GNAL: variants seen among roughly 807,000 people sequenced by gnomAD.
The protein encoded by GNAL is G protein subunit alpha L.
Under a neutral mutation model 55.1 loss-of-function variants are expected in GNAL, and 18 were observed. The observed-to-expected ratio is 0.33, with a 90% CI of 0.23 to 0.48. The LOEUF (loss-of-function observed/expected upper bound fraction) is 0.48. Among genes scored for constraint, GNAL ranks in the 20% least tolerant of loss-of-function variants. GNAL has a pLI of 0.99. For missense variants in GNAL, 412 were observed against 614.1 expected (o/e 0.67, Z 3.48); for synonymous variants, 253 against 237.0 (o/e 1.07, Z -0.62).
intron 4 of GNAL, among the ~76,000 whole-genome samples, chr18:11,782,135 G>A (rs755378070): frequency 1.3e-5 from 2 of 152,230 alleles, no homozygotes; most frequent in South Asian, 4.1e-4. Flanking sequence ...TGGCCAACAC[G>A]GTAAAACCCT....
chr18:11,779,113 T>C (rs1414386807), intron 4 of GNAL, among the ~76,000 whole-genome samples: 1 of 152,170 alleles, frequency 6.6e-6, no homozygotes, highest in African/African-American at 2.4e-5. Context: ...CAACTCTTCC[T>C]GGCCCAGCAA....
At chr18:11,698,363 C>T (rs1483157313) in intron 1 of GNAL, among the ~76,000 whole-genome samples, 7 of 151,782 alleles carry the variant, frequency 4.6e-5, no homozygotes, top group Admixed American at 2.6e-4. Context: ...TGGTGGTGCA[C>T]GCCTGTGATC....
At chr18:11,815,213 A>G (rs557825800) in intron 4 of GNAL, among the ~76,000 whole-genome samples, 66 of 152,216 alleles carry the variant, frequency 4.3e-4, no homozygotes, top group Non-Finnish European at 7.6e-4. Context: ...GTATATACTC[A>G]TTGAAGCACC....
intron 10 of GNAL, 45 bp from the exon 11 acceptor site, chr18:11,876,576 T>G: frequency 8.8e-7 from 1 of 1,138,786 alleles, no homozygotes; most frequent in African/African-American, 1.5e-5. Context: ...AGTTGTATCT[T>G]TGTTTCATGT....
intron 5 of GNAL, among the ~76,000 whole-genome samples, chr18:11,847,307 A>G (rs540930691): frequency 3.9e-5 from 6 of 152,114 alleles, no homozygotes; most frequent in South Asian, 4.1e-4. Flanking sequence ...AGTTTGAGAT[A>G]TAACATTTCA....
chr18:11,880,765 C>G (rs2036663426), intron 11 of GNAL, among the ~76,000 whole-genome samples: 1 of 152,148 alleles, frequency 6.6e-6, no homozygotes, highest in African/African-American at 2.4e-5. Context: ...CTTTCTCTGA[C>G]CTATCCGTGC....
At chr18:11,785,869 C>G (rs1449719275) in intron 4 of GNAL, among the ~76,000 whole-genome samples, 1 of 152,178 alleles carries the variant, frequency 6.6e-6, no homozygotes, top group African/African-American at 2.4e-5. Flanking sequence ...TAAAGGCTTC[C>G]GCCCACCTTC....
chr18:11,840,119 A>G (rs941715875), intron 5 of GNAL, among the ~76,000 whole-genome samples: 1 of 152,240 alleles, frequency 6.6e-6, no homozygotes, highest in African/African-American at 2.4e-5. Context: ...CTATTAACTG[A>G]CTTAAGGAAC....
At chr18:11,747,942 C>T (rs564690147) in intron 1 of GNAL, among the ~76,000 whole-genome samples, 108 of 152,230 alleles carry the variant, frequency 7.1e-4, no homozygotes, top group African/African-American at 2.3e-3. Flanking sequence ...GCTGCTGCTG[C>T]GGTTGCCTAG....
chr18:11,839,884 G>T (rs780421612), intron 5 of GNAL, among the ~76,000 whole-genome samples: 2 of 152,210 alleles, frequency 1.3e-5, no homozygotes, highest in Admixed American at 1.3e-4. Flanking sequence ...ATCAAGGAAT[G>T]TAATGAAAGC....
intron 4 of GNAL, among the ~76,000 whole-genome samples, chr18:11,823,742 T>C (rs1442346189): frequency 6.6e-6 from 1 of 152,172 alleles, no homozygotes; most frequent in Non-Finnish European, 1.5e-5. Context: ...GGACAGGCCA[T>C]GGAGCCTGAG....
At chr18:11,842,076 A>G (rs58480096) in intron 5 of GNAL, among the ~76,000 whole-genome samples, 2 of 151,828 alleles carry the variant, frequency 1.3e-5, no homozygotes, top group African/African-American at 2.4e-5. Context: ...GGGTTCAAGC[A>G]ATTCTCCTGC....
At chr18:11,852,295 G>T (rs11580) in intron 5 of GNAL, 8,521 of 701,964 alleles carry the variant, frequency 0.012, 62 homozygotes, top group Non-Finnish European at 0.017. Flanking sequence ...CTCTTAGCTG[G>T]ATTCTAAAGT....
At position 11,795,850 on chromosome 18, in the gene GNAL, C is replaced by A. The variant is rs565874878; in HGVS notation, c.625-29068C>A. Among the ~76,000 whole-genome samples, 224 of 152,284 alleles carry A rather than the reference C, an allele frequency of 1.5e-3. 1 individual carries two copies. The highest frequency in any genetic ancestry group is 2.7e-3 in the Non-Finnish European group (183 of 68,012). ...GTTCTGCAGGTCTCATCAGACTCCACTAAGAATGAAAACAACCTTCTCCAA... is the reference window on the plus strand; with the variant it reads ...GTTCTGCAGGTCTCATCAGACTCCAATAAGAATGAAAACAACCTTCTCCAA... On this transcript the variant is annotated intron_variant, in intron 4 of 11. Coordinates refer to ENST00000334049, the MANE Select transcript of GNAL (RefSeq NM_182978.4).
chr18:11,862,571 T>G lies in GNAL; in HGVS notation c.777+122T>G. ...CCTTAAGATACCTACTTTTTGCAAA[T>G]TGTTTGTACTGCCCTGTGTGTGTGC... On this transcript the variant is annotated intron_variant, in intron 6 of 11. Coordinates refer to ENST00000334049, the MANE Select transcript of GNAL (RefSeq NM_182978.4). 3 of 766,446 alleles carry G rather than the reference T, an allele frequency of 3.9e-6. No homozygotes were observed. The highest frequency in any genetic ancestry group is 4.5e-6 in the Non-Finnish European group (2 of 442,260). 47.5% of individuals were successfully genotyped at this position (766,446 alleles called of 1,614,324 possible). A position where few individuals can be genotyped will look rare whatever the true frequency, so the allele number is the denominator to read the frequency against.
intron 9 of GNAL, among the ~76,000 whole-genome samples, chr18:11,869,227 T>C (rs906919165): frequency 6.6e-6 from 1 of 152,012 alleles, no homozygotes; most frequent in Non-Finnish European, 1.5e-5. Flanking sequence ...CACTGCAAGC[T>C]CCACCTCCCG....
intron 1 of GNAL, among the ~76,000 whole-genome samples, chr18:11,715,458 C>G (rs547665042): frequency 3.1e-4 from 38 of 120,778 alleles, no homozygotes; most frequent in Non-Finnish European, 5.1e-4. Context: ...AAGACTCCAT[C>G]TCAAAAAAAA....
In GNAL at chr18:11,882,130, T is replaced by C. The variant is rs1025133403; in HGVS notation, c.*995T>C. On this transcript the variant is annotated 3_prime_UTR_variant, in exon 12 of 12. Coordinates refer to ENST00000334049, the MANE Select transcript of GNAL (RefSeq NM_182978.4). ...TTAATCATCCACATTCTATCGACAA[T>C]GTACCAACATCACAAGCTGTTGCAA... 2 of 152,206 alleles carry C rather than the reference T, an allele frequency of 1.3e-5. No homozygotes were observed. Among genetic ancestry groups the C allele is most frequent in the African/African-American group, 4.8e-5 (2 of 41,446 alleles). 9.4% of individuals were successfully genotyped at this position (152,206 alleles called of 1,614,324 possible).
At chr18:11,708,555 C>A (rs1285859506) in intron 1 of GNAL, among the ~76,000 whole-genome samples, 1 of 152,134 alleles carries the variant, frequency 6.6e-6, no homozygotes, top group African/African-American at 2.4e-5. Flanking sequence ...AATACAGAGA[C>A]ACAAAGTGAG....
Sources: allele counts gnomAD v4.1 joint callset (sites outside exome capture counted in the v4.1 genomes callset), GRCh38; gene constraint gnomAD v4.1.1; transcripts MANE v1.5; gene names NCBI Gene and HGNC (gene_info 2026-07-23, HGNC 2026-07-21).